EXOSC4: variants seen among roughly 807,000 people sequenced by gnomAD.
EXOSC4 encodes exosome complex component RRP41.
Under a neutral mutation model 20.0 loss-of-function variants are expected in EXOSC4, and 14 were observed. That is an observed-to-expected ratio of 0.70 (90% CI 0.46 to 1.09). The LOEUF (loss-of-function observed/expected upper bound fraction) is 1.09, where lower values mean the gene tolerates loss of function less well. EXOSC4 is among the 50% of genes least tolerant of loss of function. The pLI is 0.00. For missense variants in EXOSC4, 337 were observed against 334.0 expected, an observed-to-expected ratio of 1.01 and a Z score of -0.07; for synonymous variants, 148 against 146.4, an observed-to-expected ratio of 1.01 and a Z score of -0.08.
At chr8:144,079,779 G>A in intron 1 of EXOSC4, 164 bp from the exon 2 acceptor site, 1 of 779,022 alleles carries the variant, frequency 1.3e-6, no homozygotes, top group South Asian at 1.4e-5. Flanking sequence ...GCCAGAGGGC[G>A]ACACATGCAA....
chr8:144,069,587 G>C, the EXOSC4 span, among the ~76,000 whole-genome samples: 1 of 152,206 alleles, frequency 6.6e-6, no homozygotes, highest in Non-Finnish European at 1.5e-5. Flanking sequence ...TGGGTCACCC[G>C]GGATCGCCTC....
At chr8:144,071,543 G>A in the EXOSC4 span, among the ~76,000 whole-genome samples, 4 of 148,748 alleles carry the variant, frequency 2.7e-5, no homozygotes, top group African/African-American at 2.5e-5. Flanking sequence ...CTGACCTCCC[G>A]CCTTGGCCTC....
chr8:144,075,036 A>G (rs1335858853), upstream of EXOSC4, among the ~76,000 whole-genome samples: 1 of 152,130 alleles, frequency 6.6e-6, no homozygotes, highest in Non-Finnish European at 1.5e-5. Context: ...ATGTGAGAGG[A>G]GAAACTAAAT....
the EXOSC4 span, among the ~76,000 whole-genome samples, chr8:144,069,182 C>G: frequency 6.6e-6 from 1 of 152,242 alleles, no homozygotes; most frequent in Non-Finnish European, 1.5e-5. Context: ...GCATCCACCC[C>G]TGGGAGTCCA....
chr8:144,076,151 A>G (rs1554762682), upstream of EXOSC4, among the ~76,000 whole-genome samples: 1 of 152,178 alleles, frequency 6.6e-6, no homozygotes. Flanking sequence ...CCAGCCCTCC[A>G]TAAAACCCCA....
At chr8:144,077,107 G>A (rs1439132043), upstream of EXOSC4, among the ~76,000 whole-genome samples, 26 of 150,880 alleles carry the variant, frequency 1.7e-4, no homozygotes, top group South Asian at 6.3e-4. Flanking sequence ...CATAGTGGCA[G>A]GTGCCTGTAA....
At chr8:144,076,213 G>C (rs1442733405), upstream of EXOSC4, among the ~76,000 whole-genome samples, 3 of 152,194 alleles carry the variant, frequency 2.0e-5, no homozygotes, top group Non-Finnish European at 2.9e-5. Context: ...TCACACACAC[G>C]GCTCCAGCTT....
chr8:144,069,437 G>T, the EXOSC4 span, among the ~76,000 whole-genome samples: 23 of 152,336 alleles, frequency 1.5e-4, no homozygotes, highest in East Asian at 4.0e-3. Flanking sequence ...CCAGTTCCTG[G>T]TGTGTGCCGG....
At chr8:144,065,833 G>A in the EXOSC4 span, among the ~76,000 whole-genome samples, 3 of 149,358 alleles carry the variant, frequency 2.0e-5, no homozygotes, top group Non-Finnish European at 4.5e-5. Flanking sequence ...TTTTGAGATG[G>A]GGTCTCACTC....
the EXOSC4 span, among the ~76,000 whole-genome samples, chr8:144,072,637 T>A: frequency 6.6e-6 from 1 of 152,234 alleles, no homozygotes; most frequent in African/African-American, 2.4e-5. Flanking sequence ...AGCTCCCACA[T>A]GTGAGTGAGA....
upstream of EXOSC4, among the ~76,000 whole-genome samples, chr8:144,076,444 T>C (rs1554762703): frequency 1.3e-5 from 2 of 152,156 alleles, no homozygotes. Flanking sequence ...TGTATAAGCT[T>C]TAGGCCTCCA....
intron 1 of EXOSC4, 59 bp from the exon 2 acceptor site, chr8:144,079,884 G>A: frequency 6.7e-7 from 1 of 1,492,258 alleles, no homozygotes; most frequent in Non-Finnish European, 9.3e-7. Flanking sequence ...GACCCACAGA[G>A]GACAGTGGAG....
the EXOSC4 span, among the ~76,000 whole-genome samples, chr8:144,064,423 T>C: frequency 6.6e-6 from 1 of 152,228 alleles, no homozygotes; most frequent in Non-Finnish European, 1.5e-5. Context: ...GTGGCTGCCC[T>C]GCAGGATGGG....
At chr8:144,071,387 C>G in the EXOSC4 span, among the ~76,000 whole-genome samples, 84 of 148,006 alleles carry the variant, frequency 5.7e-4, no homozygotes, top group African/African-American at 1.8e-3. Context: ...GTGCAGTGTC[C>G]CACTTCTCCC....
chr8:144,070,227 G>C, the EXOSC4 span, among the ~76,000 whole-genome samples: 61 of 152,294 alleles, frequency 4.0e-4, no homozygotes, highest in African/African-American at 1.3e-3. Flanking sequence ...TCAGGACACA[G>C]AAGGAAACTG....
At chr8:144,070,711 C>G in the EXOSC4 span, among the ~76,000 whole-genome samples, 2 of 151,764 alleles carry the variant, frequency 1.3e-5, no homozygotes, top group Non-Finnish European at 2.9e-5. Context: ...GCCTGCAATC[C>G]CAGCTATTCA....
chr8:144,072,609 C>T, the EXOSC4 span, among the ~76,000 whole-genome samples: 4 of 152,188 alleles, frequency 2.6e-5, no homozygotes, highest in Admixed American at 6.5e-5. Flanking sequence ...TGTCTACCTC[C>T]GCAAGATCAA....
At chr8:144,065,969 C>G in the EXOSC4 span, among the ~76,000 whole-genome samples, 1 of 148,236 alleles carries the variant, frequency 6.7e-6, no homozygotes, top group Non-Finnish European at 1.5e-5. Context: ...CACCACCATG[C>G]CTGGCTAGTT....
chr8:144,078,379 G>A (rs1460454823), upstream of EXOSC4: 3 of 202,872 alleles, frequency 1.5e-5, no homozygotes, highest in Non-Finnish European at 2.0e-5. This position sits in a 1 kb window ranked among gnomAD's most constrained non-coding sequence, Gnocchi z 4.7. Flanking sequence ...CCCACCTCCT[G>A]GCACCCGTGG....
Sources: gnomAD v4.1 joint callset for allele counts (sites outside exome capture counted in the v4.1 genomes callset) on GRCh38, gnomAD v4.1.1 for gene constraint, Gnocchi (gnomAD v3.1) non-coding constraint, MANE v1.5 for transcripts, NCBI Gene and HGNC (gene_info 2026-07-23, HGNC 2026-07-21) for gene names.